Variants in IL4I1 observed in about 807,000 individuals in gnomAD.
IL4I1 encodes L-amino-acid oxidase.
Under a neutral mutation model 29.7 loss-of-function variants are expected in IL4I1, and 24 were observed. The ratio of observed to expected loss-of-function variants is 0.81; its 90% confidence interval spans 0.59 to 1.14. The LOEUF is 1.14. Ranked by LOEUF, IL4I1 falls within the 50% of genes most tolerant of loss-of-function variation. The pLI is 0.00. For missense variants in IL4I1, 686 were observed against 785.6 expected (o/e 0.87, Z 1.52); for synonymous variants, 371 against 352.5 (o/e 1.05, Z -0.59).
At chr19:49,906,840 A>C (rs1260859348) in intron 2 of IL4I1, 3 of 152,232 alleles carry the variant, frequency 2.0e-5, no homozygotes, top group Non-Finnish European at 4.4e-5. Flanking sequence ...GTTTCACAAT[A>C]CATTTATTTA....
In IL4I1 at chr19:49,921,076, C is replaced by A. The variant is rs921379653; in HGVS notation, c.-228+6618G>T. ...CAAACACAGCCCCTTCCTGCCTCGG[C>A]GGACATCTCCACACCCACATTTCAT... is the stretch of plus-strand genomic sequence containing the variant. On this transcript the variant is annotated intron_variant, in intron 2 of 9. Transcript: ENST00000341114. The surrounding 1 kb of genome is among the most constrained non-coding windows in gnomAD (Gnocchi z 5.4). Among the ~76,000 whole-genome samples, 1 of 152,158 alleles carries A rather than the reference C, an allele frequency of 6.6e-6. No homozygotes were observed. Among genetic ancestry groups the A allele is most frequent in the African/African-American group, 2.4e-5 (1 of 41,424 alleles).
chr19:49,920,836 C>A (rs763016275), intron 2 of IL4I1, among the ~76,000 whole-genome samples: 1 of 152,114 alleles, frequency 6.6e-6, no homozygotes. Context: ...GCGTGTGTGG[C>A]GGGGGAGGAA....
At chr19:49,925,554 A>G (rs1002313600) in intron 2 of IL4I1, among the ~76,000 whole-genome samples, 4 of 152,188 alleles carry the variant, frequency 2.6e-5, no homozygotes, top group African/African-American at 7.2e-5. Context: ...ATACCCAACC[A>G]GCATTTTTCC....
At chr19:49,909,232 C>A (rs371666520) in intron 2 of IL4I1, 1 of 1,613,938 alleles carries the variant, frequency 6.2e-7, no homozygotes, top group African/African-American at 1.3e-5. Flanking sequence ...CTGGCGTGGC[C>A]GGAGTGAAGG....
intron 2 of IL4I1, chr19:49,907,976 G>A (rs946852094): frequency 3.1e-5 from 19 of 618,168 alleles, no homozygotes; most frequent in African/African-American, 2.8e-4. Context: ...TGAGGTGGGT[G>A]GTCGCAGTAG....
In IL4I1 at chr19:49,891,068, C is replaced by T. The variant is rs2075132055; in HGVS notation, c.676G>A (p.Val226Met). 2 of 1,613,428 alleles carry T rather than the reference C, an allele frequency of 1.2e-6. No homozygotes were observed. Among genetic ancestry groups the T allele is most frequent in the African/African-American group, 1.3e-5 (1 of 74,876 alleles). The stretch of plus-strand genomic sequence containing the variant: ...GACATCACGTCTCCCAGAAGCTGCA[C>T]GGCCGGCCGGCTCAGGTTCCCCTCC... Reference protein sequence around the residue: ...LGEGNLSRPAVQLLGDVMSED... With the variant: ...LGEGNLSRPAMQLLGDVMSED... The change falls in exon 7 of 8, where the codon GTG (valine) becomes ATG (methionine). Residue 226 changes from valine to methionine, a missense_variant. By Grantham distance (21) the Val-to-Met change is conservative. Transcript: ENST00000391826.
chr19:49,908,469 T>C (rs748278801), intron 2 of IL4I1: 2 of 1,614,054 alleles, frequency 1.2e-6, no homozygotes, highest in African/African-American at 1.3e-5. Context: ...TCCTGGGCCA[T>C]GCGCTTGAGC....
At chr19:49,913,876 G>A (rs950969239) in intron 2 of IL4I1, among the ~76,000 whole-genome samples, 2 of 152,144 alleles carry the variant, frequency 1.3e-5, no homozygotes, top group Non-Finnish European at 2.9e-5. Context: ...AGCCACAGGC[G>A]GACTTTATGG....
chr19:49,906,740 A>G (rs1212380297), intron 2 of IL4I1: 1 of 152,190 alleles, frequency 6.6e-6, no homozygotes, highest in African/African-American at 2.4e-5. Flanking sequence ...GTTTCATGTG[A>G]ATGGCACCCC....
chr19:49,921,944 T>C lies in IL4I1; in HGVS notation c.-228+5750A>G, dbSNP rs368732147. On this transcript the variant is annotated intron_variant, in intron 2 of 9. Coordinates refer to the IL4I1 transcript ENST00000341114. The surrounding 1 kb of genome is among the most constrained non-coding windows in gnomAD (Gnocchi z 5.4). ...ATCTTGGCAGGATGAGTGCATTTGC[T>C]GCGAGAAAGCAGCCCCGACGGCAGG... Among the ~76,000 whole-genome samples the C allele has an allele frequency of 6.6e-6, 1 of 152,158 alleles. No individual in the cohort carries two copies. Among genetic ancestry groups the C allele is most frequent in the Non-Finnish European group, 1.5e-5 (1 of 68,030 alleles).
At position 49,892,077 on chromosome 19, in the gene IL4I1, CT is replaced by C. The variant is rs773013384; in HGVS notation, c.568-605del. Among the ~76,000 whole-genome samples the C allele has an allele frequency of 7.6e-3, 913 of 120,180 alleles. 1 individual carries two copies. Among genetic ancestry groups the C allele is most frequent in the African/African-American group, 0.021 (656 of 30,754 alleles). The allele number at this position is 120,180 out of a possible 152,430, so 78.8% of individuals were successfully genotyped here. ...AAGGCCCCTGCTAGCCCCTCAATGT[CT>C]TTTTTTTTTTTTTTTTTTTTTGAGA... On this transcript the variant is annotated intron_variant, in intron 5 of 7. Transcript: ENST00000391826.
intron 2 of IL4I1, among the ~76,000 whole-genome samples, chr19:49,911,942 C>G (rs1482237019): frequency 6.6e-6 from 1 of 152,216 alleles, no homozygotes; most frequent in Non-Finnish European, 1.5e-5. Context: ...GTCCTCACTG[C>G]TGAGCCACCT....
chr19:49,916,548 C>T (rs927320609), intron 2 of IL4I1, among the ~76,000 whole-genome samples: 4 of 151,688 alleles, frequency 2.6e-5, no homozygotes, highest in South Asian at 2.1e-4. Flanking sequence ...CCGAGGCGGG[C>T]GGATCACTAG....
chr19:49,913,574 A>C (rs2075539025), intron 2 of IL4I1, among the ~76,000 whole-genome samples: 1 of 152,244 alleles, frequency 6.6e-6, no homozygotes, highest in Non-Finnish European at 1.5e-5. Flanking sequence ...TGTTGCAGGG[A>C]GAACTGAGCA....
At chr19:49,908,601 G>A in intron 2 of IL4I1, 1 of 1,613,956 alleles carries the variant, frequency 6.2e-7, no homozygotes, top group South Asian at 1.1e-5. Flanking sequence ...AGGTCTTCCA[G>A]CTCCTTCTGC....
intron 5 of IL4I1, 134 bp downstream of exon 5, chr19:49,894,134 C>T: frequency 1.3e-6 from 1 of 778,590 alleles, no homozygotes; most frequent in South Asian, 1.7e-5. Context: ...GGTAGAATTT[C>T]CATCTCCACC....
At chr19:49,901,418 T>C (rs1308326532), upstream of IL4I1, among the ~76,000 whole-genome samples, 1 of 152,006 alleles carries the variant, frequency 6.6e-6, no homozygotes, top group Non-Finnish European at 1.5e-5. Context: ...CACAAAACTT[T>C]CACCAAGGCT....
chr19:49,918,937 G>A (rs1402579664), intron 2 of IL4I1, among the ~76,000 whole-genome samples: 3 of 150,334 alleles, frequency 2.0e-5, no homozygotes, highest in Non-Finnish European at 4.4e-5. Flanking sequence ...ATCACCTGAG[G>A]TCGGGAGTTT....
At position 49,891,029 on chromosome 19, in the gene IL4I1, A is replaced by G. The variant is rs541865072; in HGVS notation, c.715T>C (p.Phe239Leu). 6.2e-7 allele frequency: 1 copy of G among 1,611,880 alleles called. No individual in the cohort carries two copies. Among genetic ancestry groups the G allele is most frequent in the South Asian group, 1.1e-5 (1 of 91,032 alleles). The change falls in exon 7 of 8, where the codon TTC (phenylalanine) becomes CTC (leucine). Residue 239 changes from phenylalanine to leucine, a missense_variant. By Grantham distance (22) the Phe-to-Leu change is conservative. Coordinates refer to ENST00000391826, the MANE Select transcript of IL4I1 (RefSeq NM_152899.2). Reference protein sequence around the residue: ...LGDVMSEDGFFYLSFAEALRA... With the variant: ...LGDVMSEDGFLYLSFAEALRA... ...AGGGCCTCGGCGAAGCTGAGATAGA[A>G]GAAGCCATCCTCGGACATCACGTCT...
Sources: gnomAD v4.1 joint callset for allele counts (sites outside exome capture counted in the v4.1 genomes callset) on GRCh38, gnomAD v4.1.1 for gene constraint, Gnocchi (gnomAD v3.1) non-coding constraint, MANE v1.5 for transcripts, NCBI Gene and HGNC (gene_info 2026-07-23, HGNC 2026-07-21) for gene names.